The following NEMF variants were observed in gnomAD, a reference collection of about 807,000 sequenced individuals.
The protein encoded by NEMF is nuclear export mediator factor.
NEMF carries 89 observed loss-of-function variants against 162.2 expected under a neutral mutation model. That is an observed-to-expected ratio of 0.55 (90% CI 0.46 to 0.65). The LOEUF is 0.65. Among genes scored for constraint, NEMF ranks in the 30% least tolerant of loss-of-function variants. The pLI is 0.00. For missense variants in NEMF, 1,133 were observed against 1,261.9 expected (o/e 0.90, Z 1.55); for synonymous variants, 421 against 404.5 (o/e 1.04, Z -0.49).
chr14:49,827,560 A>G (rs959840150), intron 15 of NEMF, among the ~76,000 whole-genome samples: 3 of 151,908 alleles, frequency 2.0e-5, no homozygotes, highest in Admixed American at 6.6e-5. Context: ...GCACTTTGGG[A>G]GGCCGAAGGT....
intron 3 of NEMF, among the ~76,000 whole-genome samples, chr14:49,848,574 C>T (rs1010385840): frequency 2.0e-5 from 3 of 152,098 alleles, no homozygotes; most frequent in African/African-American, 7.2e-5. Context: ...TGGCAGCTCA[C>T]GCCTGTAATC....
intron 16 of NEMF, chr14:49,820,318 G>A: frequency 2.4e-6 from 1 of 413,070 alleles, no homozygotes; most frequent in Non-Finnish European, 4.9e-6. Flanking sequence ...TCCTTTTTAT[G>A]GCTCAAAGAA....
At position 49,852,754 on chromosome 14, in the gene NEMF, G is replaced by A; in HGVS notation, c.-1C>T. On this transcript the variant is annotated 5_prime_UTR_variant, in exon 1 of 33. Transcript: ENST00000298310. The stretch of plus-strand genomic sequence containing the variant: ...CAATGGTGCTAAAGCGGCTCTTCAT[G>A]GCGAGGCCCGAGGGTCACTACCGCA... 5.0e-6 allele frequency: 8 copies of A among 1,614,196 alleles called. No homozygotes were observed. The highest frequency in any genetic ancestry group is 6.8e-6 in the Non-Finnish European group (8 of 1,180,028).
intron 16 of NEMF, among the ~76,000 whole-genome samples, chr14:49,824,856 G>T (rs989711230): frequency 6.6e-6 from 1 of 152,110 alleles, no homozygotes; most frequent in Admixed American, 6.5e-5. Context: ...ATGAGATCCA[G>T]AAAAGAGTTT....
chr14:49,844,863 G>C (rs1436877600), intron 4 of NEMF: 1 of 382,524 alleles, frequency 2.6e-6, no homozygotes, highest in Admixed American at 2.8e-5. Flanking sequence ...CTGCCTCCCA[G>C]GTTCAAGTGA....
intron 6 of NEMF, among the ~76,000 whole-genome samples, chr14:49,837,574 C>T (rs1473251400): frequency 1.3e-5 from 2 of 152,062 alleles, no homozygotes; most frequent in African/African-American, 4.8e-5. Context: ...TTTACACATG[C>T]TATACTAACA....
At chr14:49,786,675 G>A (rs1239235286) in intron 29 of NEMF, 43 bp downstream of exon 29, 4 of 1,546,854 alleles carry the variant, frequency 2.6e-6, no homozygotes, top group Non-Finnish European at 2.7e-6. Context: ...GAACTGAATT[G>A]TAATCACAGT....
chr14:49,847,576 T>C (rs1013442959), intron 3 of NEMF, among the ~76,000 whole-genome samples: 4 of 152,200 alleles, frequency 2.6e-5, no homozygotes, highest in Non-Finnish European at 4.4e-5. Context: ...GCTTCATTTA[T>C]GTTCAAAATT....
Position 49,803,284 on chromosome 14 carries a change from G to T in NEMF, c.1868C>A (p.Thr623Lys). The change falls in exon 20 of 33, where the codon ACA becomes AAA. Residue 623 changes from threonine to lysine, a missense_variant. Physicochemically the swap from Thr to Lys is moderately conservative, Grantham distance 78. Coordinates refer to ENST00000298310, the MANE Select transcript of NEMF (RefSeq NM_004713.6). The stretch of plus-strand genomic sequence containing the variant: ...TGTCAAATATTCTCCAGTTGGTGCT[G>T]TTTTAGATACCTGAAGAACACAATA... The part of the protein sequence containing the change: ...WWVYHHQVSK[T>K]APTGEYLTTG... The T allele has an allele frequency of 6.2e-7, 1 of 1,606,144 alleles. No homozygotes were observed. Among genetic ancestry groups the T allele is most frequent in the Non-Finnish European group, 8.5e-7 (1 of 1,173,212 alleles).
intron 18 of NEMF, among the ~76,000 whole-genome samples, chr14:49,810,669 C>T: frequency 6.6e-6 from 1 of 152,050 alleles, no homozygotes; most frequent in East Asian, 1.9e-4. Flanking sequence ...TTAGAATCAG[C>T]TTCTCCATCT....
At chr14:49,828,547 A>C (rs76621386) in intron 14 of NEMF, 69 bp downstream of exon 14, 1 of 1,316,178 alleles carries the variant, frequency 7.6e-7, no homozygotes, top group Admixed American at 2.5e-5. Context: ...AAAATTTTTT[A>C]AAATGTCCTT....
At chr14:49,838,640 A>G (rs1893029289) in intron 5 of NEMF, among the ~76,000 whole-genome samples, 1 of 147,284 alleles carries the variant, frequency 6.8e-6, no homozygotes, top group African/African-American at 2.5e-5. Context: ...GCTGCAGTAC[A>G]GTGGCACGAT....
intron 28 of NEMF, among the ~76,000 whole-genome samples, chr14:49,787,335 G>C (rs1019311106): frequency 2.0e-5 from 3 of 152,318 alleles, no homozygotes; most frequent in Admixed American, 2.0e-4. Flanking sequence ...CTGAAGGCTG[G>C]GAAGTCCAGC....
chr14:49,789,271 T>C lies in NEMF; in HGVS notation c.2770A>G (p.Lys924Glu). ...CCACCTCTAGGTTTCTGGGGCTGTT[T>C]CTTCACAGGTTCGTCCTTTGTTTTT... The part of the protein sequence containing the change: ...KGKTKDEPVK[K>E]QPQKPRGGQR... Residue 924 changes from lysine (K) to glutamate (E), a missense_variant, in exon 28 of 33, where the codon AAA (lysine) becomes GAA (glutamate). Lys to Glu is a moderately conservative substitution (Grantham distance 56, BLOSUM62 1). Coordinates refer to ENST00000298310, the MANE Select transcript of NEMF (RefSeq NM_004713.6). 1 of 1,614,222 alleles carries C rather than the reference T, an allele frequency of 6.2e-7. No individual in the cohort carries two copies. The highest frequency in any genetic ancestry group is 8.5e-7 in the Non-Finnish European group (1 of 1,180,046).
intron 11 of NEMF, among the ~76,000 whole-genome samples, chr14:49,830,632 G>A (rs1020630749): frequency 3.3e-5 from 5 of 152,172 alleles, no homozygotes; most frequent in Non-Finnish European, 5.9e-5. Context: ...TGATCTGCCC[G>A]CCTCGGCCTC....
chr14:49,849,943 T>C (rs374369420), intron 3 of NEMF, among the ~76,000 whole-genome samples: 12 of 152,140 alleles, frequency 7.9e-5, no homozygotes, highest in East Asian at 3.8e-4. Context: ...TAATTTGTAA[T>C]CCAAAACAGA....
intron 4 of NEMF, among the ~76,000 whole-genome samples, chr14:49,841,526 A>G (rs193002623): frequency 1.2e-3 from 176 of 147,462 alleles, no homozygotes; most frequent in Middle Eastern, 0.01. Context: ...GTGAGCTGAG[A>G]CTGAGCCATT....
At chr14:49,787,149 T>G (rs1007021236) in intron 28 of NEMF, 1 of 175,618 alleles carries the variant, frequency 5.7e-6, no homozygotes, top group African/African-American at 2.4e-5. Flanking sequence ...TTTTTAAATA[T>G]CTGTTCAACA....
intron 25 of NEMF, among the ~76,000 whole-genome samples, chr14:49,797,713 C>G (rs908968686): frequency 6.6e-6 from 1 of 152,186 alleles, no homozygotes; most frequent in Non-Finnish European, 1.5e-5. Context: ...ATATTTATTC[C>G]TGACAATATC....
Sources: gnomAD v4.1 joint callset for allele counts (sites outside exome capture counted in the v4.1 genomes callset) on GRCh38, gnomAD v4.1.1 for gene constraint, MANE v1.5 for transcripts, NCBI Gene and HGNC (gene_info 2026-07-23, HGNC 2026-07-21) for gene names.